Variants in GALNT11 observed in about 807,000 individuals in gnomAD.
GALNT11 encodes the protein polypeptide N-acetylgalactosaminyltransferase 11.
Under a neutral mutation model 72.7 loss-of-function variants are expected in GALNT11, and 47 were observed. The observed-to-expected ratio is 0.65, with a 90% CI of 0.51 to 0.82. The LOEUF (loss-of-function observed/expected upper bound fraction) is 0.82. Among genes scored for constraint, GALNT11 ranks in the 40% least tolerant of loss-of-function variants. The probability of loss-of-function intolerance (pLI) is 0.00; values close to 1 mark genes in which losing one functional copy is unlikely to be tolerated. For synonymous variants in GALNT11, 270 were observed against 286.6 expected (o/e 0.94, Z 0.58); for missense variants, 677 against 778.4 (o/e 0.87, Z 1.55).
chr7:152,117,224 A>G lies in GALNT11; in HGVS notation c.1301A>G (p.Glu434Gly). ...TATGGCAATATCAGTGAGCGTGTGG[A>G]ACTGAGAAAGAAGTTGGGCTGTAAA... is the stretch of plus-strand genomic sequence containing the variant. ...KSYGNISERV[E>G]LRKKLGCKSF... Residue 434 changes from glutamate to glycine, a missense_variant, in exon 9 of 12, where the codon GAA (glutamate) becomes GGA (glycine). Physicochemically the swap from Glu to Gly is moderately conservative, Grantham distance 98. Coordinates refer to ENST00000430044, the MANE Select transcript of GALNT11 (RefSeq NM_022087.4). 1.2e-6 allele frequency: 2 copies of G among 1,614,176 alleles called. No individual in the cohort carries two copies. The highest frequency in any genetic ancestry group is 1.7e-6 in the Non-Finnish European group (2 of 1,180,022).
At chr7:152,072,918 CTT>C (rs1491404366) in intron 1 of GALNT11, among the ~76,000 whole-genome samples, 1 of 152,168 alleles carries the variant, frequency 6.6e-6, no homozygotes, top group Non-Finnish European at 1.5e-5. Flanking sequence ...GCTAAGGAAA[CTT>C]TTTGTCTGAT....
chr7:152,121,545 G>C lies in GALNT11; in HGVS notation c.1696-1G>C. ...TTTTTTTGTTGCTACCTTTTTTTCA[G>C]AAAAACAATCGGCTATACCAGGTGT... On this transcript the variant is annotated splice_acceptor_variant, in intron 11 of 11. Coordinates refer to ENST00000430044, the MANE Select transcript of GALNT11 (RefSeq NM_022087.4). LOFTEE classifies it high-confidence loss of function. 1 of 1,597,162 alleles carries C rather than the reference G, an allele frequency of 6.3e-7. No homozygotes were observed. Among genetic ancestry groups the C allele is most frequent in the Non-Finnish European group, 8.5e-7 (1 of 1,173,648 alleles).
chr7:152,090,312 T>G (rs2085928683), intron 1 of GALNT11, among the ~76,000 whole-genome samples: 1 of 152,250 alleles, frequency 6.6e-6, no homozygotes, highest in Non-Finnish European at 1.5e-5. Context: ...GTTGTTTTAT[T>G]TTCATTTTCT....
chr7:152,026,096 T>C (rs991026227), intron 1 of GALNT11, among the ~76,000 whole-genome samples: 1 of 152,012 alleles, frequency 6.6e-6, no homozygotes, highest in African/African-American at 2.4e-5. Flanking sequence ...CTCCTGAGGC[T>C]TGTTCGCGGG....
At chr7:152,116,615 G>A (rs572791853) in intron 8 of GALNT11, among the ~76,000 whole-genome samples, 15 of 152,262 alleles carry the variant, frequency 9.9e-5, no homozygotes, top group African/African-American at 2.9e-4. Context: ...ACTAGACTTC[G>A]AAAGTTATTG....
chr7:152,072,663 G>A lies in GALNT11; in HGVS notation c.-38-21527G>A, dbSNP rs550645899. On this transcript the variant is annotated intron_variant, in intron 1 of 11. Coordinates refer to ENST00000430044, the MANE Select transcript of GALNT11 (RefSeq NM_022087.4). ...ATATTATTACTTTGTAAATCCTTTCGTAAGTAACTTCCTTTTTTCCTTTGT... is the reference window on the plus strand; with the variant it reads ...ATATTATTACTTTGTAAATCCTTTCATAAGTAACTTCCTTTTTTCCTTTGT... 3.3e-5 allele frequency among the ~76,000 whole-genome samples: 5 copies of A among 152,254 alleles called. No individual in the cohort carries two copies. In the South Asian group the frequency reaches 8.3e-4, roughly 25 times the overall value.
intron 7 of GALNT11, among the ~76,000 whole-genome samples, chr7:152,112,212 T>C (rs943630773): frequency 3.9e-5 from 6 of 152,224 alleles, no homozygotes; most frequent in Admixed American, 2.6e-4. Flanking sequence ...TCCTTCTGTA[T>C]TTCTGCAAAT....
intron 1 of GALNT11, among the ~76,000 whole-genome samples, chr7:152,035,444 GA>G (rs1197281947): frequency 2.6e-5 from 4 of 152,220 alleles, no homozygotes; most frequent in African/African-American, 9.6e-5. Flanking sequence ...AGGTAGGATA[GA>G]TGGGCGAGTC....
In GALNT11 at chr7:152,100,859, T is replaced by C. The variant is rs373357941; in HGVS notation, c.357T>C (p.Phe119=). 3.1e-6 allele frequency: 5 copies of C among 1,614,012 alleles called. No individual in the cohort carries two copies. The African/African-American group carries it at 6.7e-5, about 22-fold the overall frequency. Residue 119 remains phenylalanine (F), a synonymous_variant, in exon 3 of 12, where the codon TTT becomes TTC. Coordinates refer to ENST00000430044, the MANE Select transcript of GALNT11 (RefSeq NM_022087.4). ...LRDLGYQKHA[F]NMLISDRLGY... Reference sequence around the variant, plus strand: ...ACTTGGGCTATCAGAAACATGCTTTTAATATGCTTATCAGTGACCGCTTGG... The same window carrying C: ...ACTTGGGCTATCAGAAACATGCTTTCAATATGCTTATCAGTGACCGCTTGG...
chr7:152,094,664 G>A lies in GALNT11; in HGVS notation c.295+142G>A, dbSNP rs2129039019. The A allele has an allele frequency of 1.1e-6, 1 of 939,298 alleles. No homozygotes were observed. Among genetic ancestry groups the A allele is most frequent in the South Asian group, 1.8e-5 (1 of 54,720 alleles). The allele number at this position is 939,298 out of a possible 1,614,324, so 58.2% of individuals were successfully genotyped here. ...TTGTTTGTGAACTACCTGAAGTTCT[G>A]TGGTTTCTGCAGACTCAGTGGGGAG... is the stretch of plus-strand genomic sequence containing the variant. On this transcript the variant is annotated intron_variant, in intron 2 of 11. Transcript: ENST00000430044. This position sits in a 1 kb window ranked among gnomAD's most constrained non-coding sequence, Gnocchi z 4.3.
intron 1 of GALNT11, among the ~76,000 whole-genome samples, chr7:152,035,096 A>G (rs1355682210): frequency 1.3e-5 from 2 of 152,162 alleles, no homozygotes; most frequent in Non-Finnish European, 1.5e-5. Context: ...TTATATGAAT[A>G]CAAGAATGTC....
At chr7:152,121,001 G>A (rs757701696) in intron 11 of GALNT11, 33 bp downstream of exon 11, 88 of 1,601,102 alleles carry the variant, frequency 5.5e-5, no homozygotes, top group Non-Finnish European at 5.3e-5. Flanking sequence ...GGGAGAATGC[G>A]CAGAGGCCCA....
At chr7:152,034,536 A>G (rs2082461849) in intron 1 of GALNT11, among the ~76,000 whole-genome samples, 1 of 152,160 alleles carries the variant, frequency 6.6e-6, no homozygotes, top group Admixed American at 6.5e-5. Flanking sequence ...ATGCATTTCA[A>G]GGGTGAGCCT....
At chr7:152,100,137 G>A (rs2086744755) in intron 2 of GALNT11, among the ~76,000 whole-genome samples, 1 of 151,946 alleles carries the variant, frequency 6.6e-6, no homozygotes, top group Admixed American at 6.6e-5. Context: ...AGGGACTCCT[G>A]TAAAAACTCG....
chr7:152,083,857 T>TC (rs1260037436), intron 1 of GALNT11, among the ~76,000 whole-genome samples: 1 of 152,218 alleles, frequency 6.6e-6, no homozygotes, highest in Admixed American at 6.5e-5. Context: ...GTTCAGGTCT[T>TC]CCTTTGGGAC....
At chr7:152,032,896 ACTGAGAAGGTGGGAGAAATAC>A (rs2082371951) in intron 1 of GALNT11, among the ~76,000 whole-genome samples, 1 of 152,206 alleles carries the variant, frequency 6.6e-6, no homozygotes, top group Non-Finnish European at 1.5e-5. Flanking sequence ...CCCAATTACA[ACTGAGAAGGTGGGAGAAATAC>A]CTGGTTACAG....
chr7:152,118,580 C>A, intron 9 of GALNT11, 98 bp from the exon 10 acceptor site: 1 of 983,798 alleles, frequency 1.0e-6, no homozygotes. Flanking sequence ...ATTCGTACCT[C>A]CGGAATAACC....
At position 152,070,942 on chromosome 7, in the gene GALNT11, C is replaced by A. The variant is rs1307246443; in HGVS notation, c.-38-23248C>A. Among the ~76,000 whole-genome samples the A allele has an allele frequency of 2.0e-5, 3 of 152,118 alleles. No homozygotes were observed. The East Asian group carries it at 5.8e-4, about 29-fold the overall frequency. ...CGTGATGCCCAACAAGCCACAAAAA[C>A]CAGCAAGTTTTTATTAGGGATTTTC... On this transcript the variant is annotated intron_variant, in intron 1 of 11. Coordinates refer to ENST00000430044, the MANE Select transcript of GALNT11 (RefSeq NM_022087.4).
Position 152,094,213 on chromosome 7 carries a change from T to C in GALNT11, c.-15T>C. On this transcript the variant is annotated 5_prime_UTR_variant, in exon 2 of 12. Coordinates refer to ENST00000430044, the MANE Select transcript of GALNT11 (RefSeq NM_022087.4). This position sits in a 1 kb window ranked among gnomAD's most constrained non-coding sequence, Gnocchi z 4.3. ...AGGAAATTGACAATGGCCCTTCAGCTATGCTAGGTCTATAATGGGAAGTGT... is the reference window on the plus strand; with the variant it reads ...AGGAAATTGACAATGGCCCTTCAGCCATGCTAGGTCTATAATGGGAAGTGT... 6.4e-7 allele frequency: 1 copy of C among 1,564,442 alleles called. No individual in the cohort carries two copies. The highest frequency in any genetic ancestry group is 8.6e-7 in the Non-Finnish European group (1 of 1,156,324).
Sources: gnomAD v4.1 joint callset for allele counts (sites outside exome capture counted in the v4.1 genomes callset) on GRCh38, gnomAD v4.1.1 for gene constraint, Gnocchi (gnomAD v3.1) non-coding constraint, MANE v1.5 for transcripts, NCBI Gene and HGNC (gene_info 2026-07-23, HGNC 2026-07-21) for gene names.